Variants in ISL1 observed in about 807,000 individuals in gnomAD.
ISL1 encodes insulin gene enhancer protein ISL-1.
In ISL1, 4 loss-of-function variants were observed where a neutral mutation model predicts 35.3. That is an observed-to-expected ratio of 0.11 (90% CI 0.06 to 0.26). The LOEUF (loss-of-function observed/expected upper bound fraction) is 0.26. ISL1 is among the 10% of genes least tolerant of loss of function. The probability of loss-of-function intolerance (pLI) is 1.00; values close to 1 mark genes in which losing one functional copy is unlikely to be tolerated. For missense variants in ISL1, 340 were observed against 472.8 expected, an observed-to-expected ratio of 0.72 and a Z score of 2.60; for synonymous variants, 186 against 172.3, an observed-to-expected ratio of 1.08 and a Z score of -0.62.
At chr5:51,388,242 A>AT (rs1747401468) in intron 3 of ISL1, among the ~76,000 whole-genome samples, 1 of 152,048 alleles carries the variant, frequency 6.6e-6, no homozygotes, top group African/African-American at 2.4e-5. Context: ...TCACACTCGA[A>AT]ATTTTTTTTT....
chr5:51,383,652 C>T lies in ISL1; in HGVS notation c.-20C>T, dbSNP rs780528793. ...TGTACAACCACCATTTCACTGTGGA[C>T]ATTACTCCCTCTTACAGATATGGGA... On this transcript the variant is annotated 5_prime_UTR_variant, in exon 1 of 6. Coordinates refer to ENST00000230658, the MANE Select transcript of ISL1 (RefSeq NM_002202.3). 5.6e-6 allele frequency: 9 copies of T among 1,600,446 alleles called. No individual in the cohort carries two copies.
chr5:51,383,684 G>C lies in ISL1; in HGVS notation c.13G>C (p.Gly5Arg). Residue 5 changes from glycine to arginine, a missense_variant, in exon 1 of 6, where the codon GGA becomes CGA. This residue lies in a region of ISL1 where 22 missense variants were observed against 18.4 expected (regional missense o/e 1.20). Transcript: ENST00000230658. ...CCCTCTTACAGATATGGGAGACATG[G>C]GAGATCCACCAAAAAGTAAGAGGCT... MGDM[G>R]DPPKKKRLIS... The C allele has an allele frequency of 6.2e-7, 1 of 1,611,468 alleles. No homozygotes were observed. Among genetic ancestry groups the C allele is most frequent in the Non-Finnish European group, 8.5e-7 (1 of 1,177,570 alleles).
Position 51,394,639 on chromosome 5 carries a change from T to C in ISL1, c.*1029T>C, listed in dbSNP as rs2111863280. 1 of 152,772 alleles carries C rather than the reference T, an allele frequency of 6.5e-6. No individual in the cohort carries two copies. The highest frequency in any genetic ancestry group is 6.5e-5 in the Admixed American group (1 of 15,304). 9.5% of individuals were successfully genotyped at this position (152,772 alleles called of 1,614,324 possible). ...TAATTCTATGTGTTTTGTCTTTTTCTTAAATATTATGTGAAATCAAAGCGC... is the reference window on the plus strand; with the variant it reads ...TAATTCTATGTGTTTTGTCTTTTTCCTAAATATTATGTGAAATCAAAGCGC... On this transcript the variant is annotated 3_prime_UTR_variant, in exon 6 of 6. Coordinates refer to ENST00000230658, the MANE Select transcript of ISL1 (RefSeq NM_002202.3).
chr5:51,392,640 C>T (rs1168120812), intron 5 of ISL1, among the ~76,000 whole-genome samples: 1 of 152,104 alleles, frequency 6.6e-6, no homozygotes, highest in Non-Finnish European at 1.5e-5. Flanking sequence ...ATTCTAAGCT[C>T]ATTAATCTGT....
At position 51,393,568 on chromosome 5, in the gene ISL1, A is replaced by G. The variant is rs1249091943; in HGVS notation, c.1008A>G (p.Pro336=). The stretch of plus-strand genomic sequence containing the variant: ...TAGCATCAATGTCCTCTCAACTTCC[A>G]GATACACCTAACAGCATGGTAGCCA... The part of the protein sequence containing the change: ...SEVASMSSQL[P]DTPNSMVASP... The change falls in exon 6 of 6, where the codon CCA becomes CCG. Residue 336 remains proline, a synonymous_variant. Coordinates refer to ENST00000230658, the MANE Select transcript of ISL1 (RefSeq NM_002202.3). 5 of 1,613,296 alleles carry G rather than the reference A, an allele frequency of 3.1e-6. 1 individual carries two copies. The Admixed American group carries it at 8.3e-5, about 27-fold the overall frequency.
Position 51,393,572 on chromosome 5 carries a change from A to G in ISL1, c.1012A>G (p.Thr338Ala). 6.2e-7 allele frequency: 1 copy of G among 1,612,846 alleles called. No individual in the cohort carries two copies. Among genetic ancestry groups the G allele is most frequent in the Non-Finnish European group, 8.5e-7 (1 of 1,178,802 alleles). The change falls in exon 6 of 6, where the codon ACA becomes GCA. Residue 338 changes from threonine to alanine, a missense_variant. Around this residue, in one of 7 missense-constraint regions of ISL1, gnomAD observed 104 missense variants for 97.3 expected, o/e 1.07. Coordinates refer to ENST00000230658, the MANE Select transcript of ISL1 (RefSeq NM_002202.3). ...VASMSSQLPDTPNSMVASPIE... is the reference protein window; with the variant it reads ...VASMSSQLPDAPNSMVASPIE... ...ATCAATGTCCTCTCAACTTCCAGAT[A>G]CACCTAACAGCATGGTAGCCAGTCC...
At chr5:51,392,554 A>C (rs1747541533) in intron 5 of ISL1, among the ~76,000 whole-genome samples, 1 of 152,228 alleles carries the variant, frequency 6.6e-6, no homozygotes, top group African/African-American at 2.4e-5. Context: ...TGCAGAGGCT[A>C]GAAGTCCCTT....
At chr5:51,388,243 AT>A (rs201515157) in intron 3 of ISL1, among the ~76,000 whole-genome samples, 1,849 of 151,506 alleles carry the variant, frequency 0.012, 15 homozygotes, top group Non-Finnish European at 0.018. Flanking sequence ...CACACTCGAA[AT>A]TTTTTTTTTA....
In ISL1 at chr5:51,389,561, G is replaced by T; in HGVS notation, c.479-85G>T. 1 of 1,195,644 alleles carries T rather than the reference G, an allele frequency of 8.4e-7. No homozygotes were observed. The highest frequency in any genetic ancestry group is 1.1e-6 in the Non-Finnish European group (1 of 924,300). The allele number at this position is 1,195,644 out of a possible 1,614,324, so 74.1% of individuals were successfully genotyped here. A position where few individuals can be genotyped will look rare whatever the true frequency, so the allele number is the denominator to read the frequency against. On this transcript the variant is annotated intron_variant, in intron 3 of 5. Coordinates refer to ENST00000230658, the MANE Select transcript of ISL1 (RefSeq NM_002202.3). This position sits in a 1 kb window ranked among gnomAD's most constrained non-coding sequence, Gnocchi z 5.0. ...AGTAAGCGGGCGGGCGGGCGGGCAA[G>T]CGAGCGAGCGAGCGAGCGCGCGACC...
In ISL1 at chr5:51,393,599, A is replaced by G. The variant is rs774986869; in HGVS notation, c.1039A>G (p.Ile347Val). Residue 347 changes from isoleucine (I) to valine (V), a missense_variant, in exon 6 of 6, where the codon ATT (isoleucine) becomes GTT (valine). Ile to Val is a conservative substitution (Grantham distance 29). Around this residue, in one of 7 missense-constraint regions of ISL1, gnomAD observed 104 missense variants for 97.3 expected, o/e 1.07. Transcript: ENST00000230658. ...ACCTAACAGCATGGTAGCCAGTCCT[A>G]TTGAGGCATGAGGAACATTCATTCT... ...DTPNSMVASP[I>V]EA The G allele has an allele frequency of 4.0e-5, 63 of 1,588,904 alleles. No individual in the cohort carries two copies. The highest frequency in any genetic ancestry group is 8.3e-5 in the Admixed American group (5 of 60,008).
chr5:51,394,034 A>G lies in ISL1; in HGVS notation c.*424A>G. ...TCTATATTGGTCATTGCCTTGCCAAACAGGAGCTCCAGCAAAAGCGCAGGA... is the reference window on the plus strand; with the variant it reads ...TCTATATTGGTCATTGCCTTGCCAAGCAGGAGCTCCAGCAAAAGCGCAGGA... On this transcript the variant is annotated 3_prime_UTR_variant, in exon 6 of 6. Transcript: ENST00000230658. 4.9e-6 allele frequency: 1 copy of G among 203,062 alleles called. No homozygotes were observed. The highest frequency in any genetic ancestry group is 1.0e-5 in the Non-Finnish European group (1 of 99,334). The allele number at this position is 203,062 out of a possible 1,614,324, so 12.6% of individuals were successfully genotyped here. A position where few individuals can be genotyped will look rare whatever the true frequency, so the allele number is the denominator to read the frequency against.
In ISL1 at chr5:51,393,726, A is replaced by T. The variant is rs1287460661; in HGVS notation, c.*116A>T. On this transcript the variant is annotated 3_prime_UTR_variant, in exon 6 of 6. Coordinates refer to ENST00000230658, the MANE Select transcript of ISL1 (RefSeq NM_002202.3). Reference sequence around the variant, plus strand: ...CAATGAAAACTGAATCAAGAAATGAATGCTCCATGAAATGCACGAAGTCTG... The same window carrying T: ...CAATGAAAACTGAATCAAGAAATGATTGCTCCATGAAATGCACGAAGTCTG... 5 of 767,394 alleles carry T rather than the reference A, an allele frequency of 6.5e-6. No individual in the cohort carries two copies. In the Admixed American group the frequency reaches 7.0e-5, roughly 11 times the overall value. The allele number at this position is 767,394 out of a possible 1,614,324, so 47.5% of individuals were successfully genotyped here.
chr5:51,386,939 C>T (rs1747356957), intron 2 of ISL1, among the ~76,000 whole-genome samples: 1 of 152,130 alleles, frequency 6.6e-6, no homozygotes, highest in African/African-American at 2.4e-5. Context: ...TGAGTGTTTG[C>T]AAACCGAGTG....
intron 4 of ISL1, among the ~76,000 whole-genome samples, chr5:51,390,618 C>T (rs1421538765): frequency 1.0e-5 from 1 of 98,554 alleles, no homozygotes; most frequent in Non-Finnish European, 2.2e-5. Context: ...TTCTTTTCTT[C>T]CTTTTTTTCT....
At chr5:51,391,184 C>A in intron 4 of ISL1, 90 bp from the exon 5 acceptor site, 1 of 1,267,334 alleles carries the variant, frequency 7.9e-7, no homozygotes, top group Non-Finnish European at 1.1e-6. Context: ...TAAGATAATA[C>A]CAGGGTATAT....
rs758280149 is a variant in ISL1, at chr5:51,387,461, C to A, written c.219-29C>A. 1 of 1,612,572 alleles carries A rather than the reference C, an allele frequency of 6.2e-7. No individual in the cohort carries two copies. Among genetic ancestry groups the A allele is most frequent in the Middle Eastern group, 1.7e-4 (1 of 6,032 alleles). On this transcript the variant is annotated intron_variant, in intron 2 of 5. Coordinates refer to ENST00000230658, the MANE Select transcript of ISL1 (RefSeq NM_002202.3). This position sits in a 1 kb window ranked among gnomAD's most constrained non-coding sequence, Gnocchi z 4.3. The stretch of plus-strand genomic sequence containing the variant: ...CCTGTACTTCTCTCCCCGCTCTGGG[C>A]CGCCTCCGCTCCCCCCTCCCCCGCA...
Position 51,387,266 on chromosome 5 carries a change from G to A in ISL1, c.219-224G>A, listed in dbSNP as rs1409866470. Among the ~76,000 whole-genome samples the A allele has an allele frequency of 1.3e-5, 2 of 152,156 alleles. No homozygotes were observed. The highest frequency in any genetic ancestry group is 2.9e-5 in the Non-Finnish European group (2 of 68,014). On this transcript the variant is annotated intron_variant, in intron 2 of 5. Coordinates refer to ENST00000230658, the MANE Select transcript of ISL1 (RefSeq NM_002202.3). This position sits in a 1 kb window ranked among gnomAD's most constrained non-coding sequence, Gnocchi z 4.3. ...AACGGGAGTAAAAGAAAGGGAGGAG[G>A]GAGGGAGGGGAAAAGAGAGATGGGG...
chr5:51,390,002 G>A (rs1487001002), intron 4 of ISL1, 70 bp downstream of exon 4: 1 of 1,544,924 alleles, frequency 6.5e-7, no homozygotes, highest in Non-Finnish European at 8.8e-7. Context: ...TGCGTTCCTG[G>A]TACGCAGGAT....
At chr5:51,388,785 TG>T (rs1747414411) in intron 3 of ISL1, among the ~76,000 whole-genome samples, 1 of 152,104 alleles carries the variant, frequency 6.6e-6, no homozygotes, top group Admixed American at 6.5e-5. Flanking sequence ...GGGGCACGGC[TG>T]GGGTGGTGCT....
Sources: gnomAD v4.1 joint callset for allele counts (sites outside exome capture counted in the v4.1 genomes callset) on GRCh38, gnomAD v4.1.1 for gene constraint, gnomAD v4.1.1 regional missense constraint, Gnocchi (gnomAD v3.1) non-coding constraint, MANE v1.5 for transcripts, NCBI Gene and HGNC (gene_info 2026-07-23, HGNC 2026-07-21) for gene names.